FIP1L1: variants seen among roughly 807,000 people sequenced by gnomAD.
The protein encoded by FIP1L1 is factor interacting with PAPOLA and CPSF1, also known as pre-mRNA 3'-end-processing factor FIP1.
A neutral mutation model predicts 84.6 loss-of-function variants in FIP1L1; 21 were observed. The ratio of observed to expected loss-of-function variants is 0.25; its 90% CI spans 0.18 to 0.36. The LOEUF (loss-of-function observed/expected upper bound fraction) is 0.36, where lower values mean the gene tolerates loss of function less well. FIP1L1 is among the 10% of genes least tolerant of loss of function. The probability of loss-of-function intolerance (pLI) is 1.00; values close to 1 mark genes in which losing one functional copy is unlikely to be tolerated. For synonymous variants in FIP1L1, 263 were observed against 242.3 expected (o/e 1.09, Z -0.80); for missense variants, 526 against 751.1 (o/e 0.70, Z 3.50).
chr4:53,378,128 T>G, intron 1 of FIP1L1: 5 of 453,568 alleles, frequency 1.1e-5, no homozygotes, highest in Non-Finnish European at 1.2e-5. Context: ...ACCATGCGCA[T>G]CCACCCCTGT....
intron 10 of FIP1L1, among the ~76,000 whole-genome samples, chr4:53,406,025 G>T (rs1334997486): frequency 6.6e-6 from 1 of 151,700 alleles, no homozygotes. Context: ...AATTGCCCTG[G>T]CCAGAACTTC....
At position 53,460,241 on chromosome 4, in the gene FIP1L1, T is replaced by C. The variant is rs1300462345; in HGVS notation, c.*792T>C. On this transcript the variant is annotated 3_prime_UTR_variant, in exon 18 of 18. Coordinates refer to ENST00000337488, the MANE Select transcript of FIP1L1 (RefSeq NM_030917.4). ...TGAGTTTTTATACAGTTACTAACGA[T>C]TGTGGAAAAAAAGAGCTTTAGCCAT... 5.2e-6 allele frequency: 1 copy of C among 193,158 alleles called. No homozygotes were observed. The highest frequency in any genetic ancestry group is 8.1e-5 in the East Asian group (1 of 12,294). 12.0% of individuals were successfully genotyped at this position (193,158 alleles called of 1,614,324 possible). A position where few individuals can be genotyped will look rare whatever the true frequency, so the allele number is the denominator to read the frequency against.
chr4:53,416,435 TA>T (rs1759533279), intron 11 of FIP1L1, among the ~76,000 whole-genome samples: 2 of 152,216 alleles, frequency 1.3e-5, no homozygotes, highest in African/African-American at 4.8e-5. Context: ...ACCACAATCG[TA>T]ACATAGTGGA....
intron 10 of FIP1L1, among the ~76,000 whole-genome samples, chr4:53,407,740 A>G (rs986835132): frequency 1.3e-5 from 2 of 152,112 alleles, no homozygotes; most frequent in South Asian, 2.1e-4. Context: ...TCCCTTTAGC[A>G]TTATGTAATG....
intron 3 of FIP1L1, among the ~76,000 whole-genome samples, chr4:53,380,488 A>T (rs1737236937): frequency 1.3e-5 from 2 of 152,300 alleles, no homozygotes; most frequent in South Asian, 4.1e-4. Flanking sequence ...TGATGGTTGG[A>T]CTATGTGACC....
At chr4:53,437,006 A>G (rs948486447) in intron 13 of FIP1L1, among the ~76,000 whole-genome samples, 1 of 152,072 alleles carries the variant, frequency 6.6e-6, no homozygotes, top group African/African-American at 2.4e-5. Context: ...CCTGGGCAAC[A>G]TGAAGAAACC....
intron 10 of FIP1L1, among the ~76,000 whole-genome samples, chr4:53,408,309 G>A (rs970991614): frequency 2.0e-5 from 3 of 152,196 alleles, no homozygotes; most frequent in African/African-American, 7.2e-5. Flanking sequence ...CTTTAAGAAT[G>A]TTGAATATTG....
rs747304988 is a variant in FIP1L1, at chr4:53,379,285, A to T, written c.170+21A>T. 3 of 1,576,138 alleles carry T rather than the reference A, an allele frequency of 1.9e-6. No individual in the cohort carries two copies. In the Admixed American group the frequency reaches 5.7e-5, roughly 30 times the overall value. ...GCCAGGTTAGTGAAATTTTCTGTTG[A>T]TGCCTATTACACAGGTTGTGTGAAA... On this transcript the variant is annotated intron_variant, in intron 3 of 17. Transcript: ENST00000337488.
At chr4:53,378,552 A>C (rs539379398) in intron 1 of FIP1L1, 1 of 152,790 alleles carries the variant, frequency 6.5e-6, no homozygotes, top group South Asian at 2.1e-4. Flanking sequence ...TTTTTAAGAG[A>C]CTACCGTTTA....
At chr4:53,378,032 G>A (rs1310125235) in intron 1 of FIP1L1, 109 bp downstream of exon 1, 6 of 1,027,190 alleles carry the variant, frequency 5.8e-6, no homozygotes, top group Non-Finnish European at 8.3e-6. Context: ...GCCTCTGGTT[G>A]GGAGTCCTGT....
intron 11 of FIP1L1, among the ~76,000 whole-genome samples, chr4:53,420,717 C>T (rs1296933015): frequency 6.6e-6 from 1 of 151,862 alleles, no homozygotes; most frequent in Non-Finnish European, 1.5e-5. Flanking sequence ...AACGTACACA[C>T]AGGTATAGAA....
intron 10 of FIP1L1, among the ~76,000 whole-genome samples, chr4:53,411,453 G>A (rs192387525): frequency 6.6e-6 from 1 of 152,066 alleles, no homozygotes; most frequent in African/African-American, 2.4e-5. Context: ...ATACTTTGCA[G>A]TCATTGTGAA....
intron 11 of FIP1L1, among the ~76,000 whole-genome samples, chr4:53,422,475 A>G (rs1490959546): frequency 2.0e-5 from 3 of 152,134 alleles, no homozygotes; most frequent in Non-Finnish European, 4.4e-5. Context: ...TAAAATGACA[A>G]TAATGAGAGT....
chr4:53,429,861 T>G (rs1198317515), intron 13 of FIP1L1, among the ~76,000 whole-genome samples: 1 of 152,196 alleles, frequency 6.6e-6, no homozygotes, highest in Admixed American at 6.5e-5. Flanking sequence ...TTAATTATAG[T>G]CACCATGCTG....
chr4:53,452,520 T>C (rs1298495174), intron 15 of FIP1L1, among the ~76,000 whole-genome samples: 1 of 152,218 alleles, frequency 6.6e-6, no homozygotes, highest in African/African-American at 2.4e-5. Flanking sequence ...GGTTTCACCA[T>C]GTTGACCAGG....
chr4:53,383,930 G>T (rs1739453467), intron 5 of FIP1L1, 54 bp downstream of exon 5: 1 of 1,519,272 alleles, frequency 6.6e-7, no homozygotes, highest in Non-Finnish European at 8.9e-7. Flanking sequence ...AGTAAGGAGA[G>T]TGTGCCTATA....
chr4:53,402,549 A>G (rs1750836249), intron 10 of FIP1L1, among the ~76,000 whole-genome samples: 1 of 152,164 alleles, frequency 6.6e-6, no homozygotes, highest in Admixed American at 6.5e-5. Context: ...TAAAAATACA[A>G]AAATTAGCTG....
chr4:53,454,846 G>T (rs531862864), intron 16 of FIP1L1, among the ~76,000 whole-genome samples: 1 of 152,270 alleles, frequency 6.6e-6, no homozygotes, highest in East Asian at 1.9e-4. Context: ...TGAAAGTCTT[G>T]ATGGCATCTT....
intron 6 of FIP1L1, 98 bp downstream of exon 6, chr4:53,389,971 C>A: frequency 1.2e-6 from 1 of 869,316 alleles, no homozygotes; most frequent in Non-Finnish European, 1.8e-6. Context: ...CAGAGTCTGG[C>A]TCTGTCACTC....
Sources: gnomAD v4.1 joint callset for allele counts (sites outside exome capture counted in the v4.1 genomes callset) on GRCh38, gnomAD v4.1.1 for gene constraint, MANE v1.5 for transcripts, NCBI Gene and HGNC (gene_info 2026-07-23, HGNC 2026-07-21) for gene names.